The following TMEM132D variants were observed in gnomAD, a reference collection of about 807,000 sequenced individuals.
TMEM132D encodes transmembrane protein 132D, also known as mature OL transmembrane protein.
TMEM132D carries 21 observed loss-of-function variants against 62.3 expected under a neutral mutation model. The ratio of observed to expected loss-of-function variants is 0.34; its 90% CI spans 0.24 to 0.49. The LOEUF is 0.49. Among genes scored for constraint, TMEM132D ranks in the 20% least tolerant of loss-of-function variants. TMEM132D has a pLI of 0.99. For missense variants in TMEM132D, 1,346 were observed against 1,402.8 expected, an observed-to-expected ratio of 0.96 and a Z score of 0.65; for synonymous variants, 621 against 575.6, an observed-to-expected ratio of 1.08 and a Z score of -1.13.
intron 3 of TMEM132D, among the ~76,000 whole-genome samples, chr12:129,474,334 T>C (rs1040796751): frequency 2.6e-5 from 4 of 152,238 alleles, no homozygotes; most frequent in African/African-American, 4.8e-5. Context: ...GCACCCTAAG[T>C]ACTTTATTAC....
At chr12:129,248,539 A>G (rs1169190750) in intron 4 of TMEM132D, among the ~76,000 whole-genome samples, 1 of 143,056 alleles carries the variant, frequency 7.0e-6, no homozygotes, top group African/African-American at 2.6e-5. Flanking sequence ...TTTTTTTTTT[A>G]TTAGAGTACT....
intron 5 of TMEM132D, among the ~76,000 whole-genome samples, chr12:129,114,184 T>C (rs1212139710): frequency 6.6e-6 from 1 of 152,188 alleles, no homozygotes. Flanking sequence ...GATCTTTGGA[T>C]GGGAATTATT....
chr12:129,275,250 C>T (rs991796393), intron 4 of TMEM132D, among the ~76,000 whole-genome samples: 4 of 152,110 alleles, frequency 2.6e-5, no homozygotes, highest in South Asian at 2.1e-4. Flanking sequence ...CACTGCACTA[C>T]AGCCTGGGTG....
At chr12:129,614,322 A>AT (rs1878859394) in intron 2 of TMEM132D, among the ~76,000 whole-genome samples, 1 of 152,216 alleles carries the variant, frequency 6.6e-6, no homozygotes, top group Non-Finnish European at 1.5e-5. Context: ...TGTTTCTGAG[A>AT]TAGTTCCCAT....
chr12:129,681,383 TTGG>T (rs1880775629), intron 2 of TMEM132D: 1 of 152,246 alleles, frequency 6.6e-6, no homozygotes, highest in Non-Finnish European at 1.5e-5. Context: ...CGGAGGTCAC[TTGG>T]TGGTATTGAG....
chr12:129,361,947 A>G (rs138668714), intron 3 of TMEM132D, among the ~76,000 whole-genome samples: 41 of 152,292 alleles, frequency 2.7e-4, no homozygotes, highest in African/African-American at 8.2e-4. Flanking sequence ...GAAGACATAG[A>G]TTACTTTTTC....
chr12:129,519,038 C>G (rs1174620349), intron 3 of TMEM132D, among the ~76,000 whole-genome samples: 1 of 152,102 alleles, frequency 6.6e-6, no homozygotes, highest in Admixed American at 6.5e-5. Context: ...AGTTACAGCC[C>G]AAGGAGGTTT....
At chr12:129,743,736 T>G (rs1869683542) in intron 1 of TMEM132D, among the ~76,000 whole-genome samples, 1 of 152,116 alleles carries the variant, frequency 6.6e-6, no homozygotes, top group Non-Finnish European at 1.5e-5. Context: ...GAGATTATCC[T>G]GAATTATCAG....
chr12:129,352,370 C>T (rs559388422), intron 3 of TMEM132D, among the ~76,000 whole-genome samples: 30 of 152,060 alleles, frequency 2.0e-4, no homozygotes, highest in South Asian at 8.3e-4. Flanking sequence ...CTAGGGTGGA[C>T]GCCTTCCTCC....
At chr12:129,246,333 C>G (rs752897741) in intron 4 of TMEM132D, among the ~76,000 whole-genome samples, 7 of 152,140 alleles carry the variant, frequency 4.6e-5, no homozygotes, top group Non-Finnish European at 1.0e-4. Flanking sequence ...CGCATGCTGG[C>G]CTAACAGCAC....
chr12:129,326,358 A>G (rs1868910552), intron 4 of TMEM132D, among the ~76,000 whole-genome samples: 1 of 152,236 alleles, frequency 6.6e-6, no homozygotes, highest in South Asian at 2.1e-4. Context: ...CTACACTGAC[A>G]TTAGACCTGG....
rs1456339588 is a variant in TMEM132D at position 129,501,572 on chromosome 12, ACGG to A, written c.1115+29484_1115+29486del. Among the ~76,000 whole-genome samples, 3 of 151,900 alleles carry A rather than the reference ACGG, an allele frequency of 2.0e-5. No homozygotes were observed. The East Asian group carries it at 5.8e-4, about 29-fold the overall frequency. On this transcript the variant is annotated intron_variant, in intron 3 of 8. Coordinates refer to ENST00000422113, the MANE Select transcript of TMEM132D (RefSeq NM_133448.3). ...CTAGGCTGGAGTGCAGGGTGTGACC[ACGG>A]CTCATTGCAACCTTGACGTCCCTAA...
intron 1 of TMEM132D, among the ~76,000 whole-genome samples, chr12:129,829,506 A>G (rs534318671): frequency 6.6e-6 from 1 of 152,280 alleles, no homozygotes; most frequent in East Asian, 1.9e-4. Context: ...AAAGCTTGCC[A>G]AGCACACCAG....
At chr12:129,478,948 C>T (rs1038999790) in intron 3 of TMEM132D, among the ~76,000 whole-genome samples, 1 of 152,230 alleles carries the variant, frequency 6.6e-6, no homozygotes, top group East Asian at 1.9e-4. Flanking sequence ...AAGACCTACA[C>T]ATGCATGAAG....
At chr12:129,753,068 A>C (rs1870050590) in intron 1 of TMEM132D, among the ~76,000 whole-genome samples, 1 of 152,214 alleles carries the variant, frequency 6.6e-6, no homozygotes, top group Non-Finnish European at 1.5e-5. Context: ...GACTTTCAAG[A>C]CCAAAAGTCA....
At chr12:129,780,832 C>T (rs994539887) in intron 1 of TMEM132D, among the ~76,000 whole-genome samples, 2 of 152,152 alleles carry the variant, frequency 1.3e-5, no homozygotes, top group African/African-American at 4.8e-5. Flanking sequence ...CTTTGATCTA[C>T]AGCAAAGGGA....
At chr12:129,814,128 C>T (rs1294207607) in intron 1 of TMEM132D, among the ~76,000 whole-genome samples, 1 of 152,052 alleles carries the variant, frequency 6.6e-6, no homozygotes, top group Admixed American at 6.6e-5. Context: ...TGCATGTTCT[C>T]GCTCATATGT....
At chr12:129,589,090 C>T (rs532368716) in intron 2 of TMEM132D, among the ~76,000 whole-genome samples, 82 of 152,020 alleles carry the variant, frequency 5.4e-4, no homozygotes, top group Non-Finnish European at 8.2e-4. Flanking sequence ...TGAGGTGATA[C>T]GGTTTAGCTG....
chr12:129,771,635 A>G (rs1870752937), intron 1 of TMEM132D, among the ~76,000 whole-genome samples: 1 of 152,320 alleles, frequency 6.6e-6, no homozygotes, highest in East Asian at 1.9e-4. Context: ...GACTCTCAAG[A>G]GCAAGAAGAG....
Sources: gnomAD v4.1 joint callset for allele counts (sites outside exome capture counted in the v4.1 genomes callset) on GRCh38, gnomAD v4.1.1 for gene constraint, MANE v1.5 for transcripts, NCBI Gene and HGNC (gene_info 2026-07-23, HGNC 2026-07-21) for gene names.